Variants in GGA1 observed in about 807,000 individuals in gnomAD.
GGA1 encodes ADP-ribosylation factor-binding protein GGA1.
GGA1 carries 18 observed loss-of-function variants against 76.9 expected under a neutral mutation model. That is an observed-to-expected ratio of 0.23 (90% confidence interval 0.16 to 0.35). The LOEUF is 0.35. GGA1 is among the 10% of genes least tolerant of loss of function. The pLI is 1.00. For synonymous variants in GGA1, 342 were observed against 354.7 expected (o/e 0.96, Z 0.40); for missense variants, 755 against 859.0 (o/e 0.88, Z 1.51).
rs756263898 is a variant in GGA1 at position 37,616,938 on chromosome 22, C to A, written c.145C>A (p.Arg49=). 1.0e-5 allele frequency: 16 copies of A among 1,607,078 alleles called. No individual in the cohort carries two copies. The highest frequency in any genetic ancestry group is 1.3e-5 in the Non-Finnish European group (15 of 1,176,986). The stretch of plus-strand genomic sequence containing the variant: ...CCCACCCAGGCCTCCACTCGCCACC[C>A]GGCTGCTGGCCCACAAGATCCAGTC... ...EDFEGPPLAT[R]LLAHKIQSPQ... is the part of the protein sequence containing the mutation. The change falls in exon 3 of 17, where the codon CGG becomes AGG. Residue 49 remains arginine, a synonymous_variant. Transcript: ENST00000343632.
chr22:37,618,330 C>T (rs566368992), intron 3 of GGA1, 118 bp from the exon 4 acceptor site: 2 of 635,374 alleles, frequency 3.1e-6, no homozygotes, highest in South Asian at 1.8e-5. Context: ...CCTCACAGGC[C>T]ATTCCCTCCC....
intron 7 of GGA1, among the ~76,000 whole-genome samples, chr22:37,622,688 A>G (rs1201844743): frequency 6.6e-6 from 1 of 152,204 alleles, no homozygotes; most frequent in African/African-American, 2.4e-5. Context: ...TGCTGAAAAA[A>G]AAGTTTCAAA....
At chr22:37,614,137 A>G in intron 1 of GGA1, 53 bp from the exon 2 acceptor site, 4 of 1,203,992 alleles carry the variant, frequency 3.3e-6, no homozygotes, top group Non-Finnish European at 5.0e-6. Context: ...TCAGGAGTGG[A>G]AGAGCAGGAA....
Position 37,616,924 on chromosome 22 carries a change from C to T in GGA1, c.131C>T (p.Pro44Leu). The T allele has an allele frequency of 6.2e-7, 1 of 1,604,624 alleles. No homozygotes were observed. Among genetic ancestry groups the T allele is most frequent in the Non-Finnish European group, 8.5e-7 (1 of 1,175,914 alleles). The change falls in exon 3 of 17, where the codon CCT becomes CTT. Residue 44 changes from proline (P) to leucine (L), a missense_variant and splice_region_variant. Physicochemically the swap from Pro to Leu is moderately conservative, Grantham distance 98 (BLOSUM62 -3). Coordinates refer to ENST00000343632, the MANE Select transcript of GGA1 (RefSeq NM_013365.5). ...CEQLNEDFEG[P>L]PLATRLLAHK... ...TCTGTGTTGTTCCTCCCACCCAGGCCTCCACTCGCCACCCGGCTGCTGGCC... is the reference window on the plus strand; with the variant it reads ...TCTGTGTTGTTCCTCCCACCCAGGCTTCCACTCGCCACCCGGCTGCTGGCC...
Position 37,632,288 on chromosome 22 carries a change from G to T in GGA1, c.1699-117G>T, listed in dbSNP as rs1314404810. 3.9e-6 allele frequency: 5 copies of T among 1,290,250 alleles called. No individual in the cohort carries two copies. The East Asian group carries it at 9.3e-5, about 24-fold the overall frequency. 79.9% of individuals were successfully genotyped at this position (1,290,250 alleles called of 1,614,324 possible). A position where few individuals can be genotyped will look rare whatever the true frequency, so the allele number is the denominator to read the frequency against. On this transcript the variant is annotated intron_variant, in intron 15 of 16. Coordinates refer to ENST00000343632, the MANE Select transcript of GGA1 (RefSeq NM_013365.5). The surrounding 1 kb of genome is among the most constrained non-coding windows in gnomAD (Gnocchi z 5.1). The stretch of plus-strand genomic sequence containing the variant: ...CCTTGCTGGGTGGTTGGTGTAGAAG[G>T]GACCAGAAGGACTGAGCCCCAGGAT...
In GGA1 at chr22:37,630,003, G is replaced by C; in HGVS notation, c.1164G>C (p.Ser388=). Residue 388 remains serine, a synonymous_variant, in exon 13 of 17, where the codon TCG becomes TCC. Transcript: ENST00000343632. ...CTGCATCCTTTTCCCCACAGTCGTC[G>C]GATGCCACTGAGCCCCCAGCCCCTG... ...DGTGWNSFQS[S]DATEPPAPAL... is the part of the protein sequence containing the mutation. The C allele has an allele frequency of 6.4e-7, 1 of 1,556,550 alleles. No individual in the cohort carries two copies.
chr22:37,623,424 G>A lies in GGA1; in HGVS notation c.707G>A (p.Ser236Asn), dbSNP rs753984641. 6 of 1,614,114 alleles carry A rather than the reference G, an allele frequency of 3.7e-6. No homozygotes were observed. Among genetic ancestry groups the A allele is most frequent in the Non-Finnish European group, 5.1e-6 (6 of 1,180,008 alleles). ...KLLTEMVMSHSQGGAAAGSSE... is the reference protein window; with the variant it reads ...KLLTEMVMSHNQGGAAAGSSE... ...CTCACGGAGATGGTGATGAGCCACA[G>A]CCAGGGCGGCGCAGCAGCTGGCAGC... is the stretch of plus-strand genomic sequence containing the variant. Residue 236 changes from serine (S) to asparagine (N), a missense_variant, in exon 8 of 17, where the codon AGC becomes AAC. Ser to Asn is a conservative substitution (Grantham distance 46). Coordinates refer to ENST00000343632, the MANE Select transcript of GGA1 (RefSeq NM_013365.5). This position sits in a 1 kb window ranked among gnomAD's most constrained non-coding sequence, Gnocchi z 4.6.
chr22:37,619,926 T>C, intron 4 of GGA1: 1 of 682,938 alleles, frequency 1.5e-6, no homozygotes, highest in South Asian at 1.6e-5. Flanking sequence ...GGCTCCTCTT[T>C]CCTGGGATGT....
rs1393429324 is a variant in GGA1 at position 37,625,847 on chromosome 22, G to A, written c.991G>A (p.Gly331Ser). 2 of 1,611,586 alleles carry A rather than the reference G, an allele frequency of 1.2e-6. No homozygotes were observed. The highest frequency in any genetic ancestry group is 1.7e-5 in the Admixed American group (1 of 59,954). ...CTCAGGCCTGGATCTCCCGCCTGCG[G>A]GCACCACCTACCCAGCTATGCCCAC... ...DLSGLDLPPA[G>S]TTYPAMPTRP... is the part of the protein sequence containing the mutation. The change falls in exon 11 of 17, where the codon GGC (glycine) becomes AGC (serine). Residue 331 changes from glycine to serine, a missense_variant. By Grantham distance (56) the Gly-to-Ser change is moderately conservative. Coordinates refer to ENST00000343632, the MANE Select transcript of GGA1 (RefSeq NM_013365.5). This position sits in a 1 kb window ranked among gnomAD's most constrained non-coding sequence, Gnocchi z 4.1.
chr22:37,624,888 T>A lies in GGA1; in HGVS notation c.833-81T>A. 4 of 1,513,700 alleles carry A rather than the reference T, an allele frequency of 2.6e-6. No individual in the cohort carries two copies. Among genetic ancestry groups the A allele is most frequent in the Non-Finnish European group, 3.6e-6 (4 of 1,123,054 alleles). The allele number at this position is 1,513,700 out of a possible 1,614,324, so 93.8% of individuals were successfully genotyped here. Reference sequence around the variant, plus strand: ...CCTTCCCCTCACACACAGGCTGTGATGGATGTGGGGTCCTCGTCCCCTGCC... The same window carrying A: ...CCTTCCCCTCACACACAGGCTGTGAAGGATGTGGGGTCCTCGTCCCCTGCC... On this transcript the variant is annotated intron_variant, in intron 9 of 16. Transcript: ENST00000343632. The surrounding 1 kb of genome is among the most constrained non-coding windows in gnomAD (Gnocchi z 4.3).
intron 13 of GGA1, chr22:37,630,587 G>A (rs1168763747): frequency 2.9e-5 from 13 of 455,810 alleles, no homozygotes; most frequent in Non-Finnish European, 4.6e-5. Flanking sequence ...CTTTTTTTGA[G>A]AGGGAGTCTC....
At chr22:37,609,319 C>T (rs906083190) in intron 1 of GGA1, 5 of 1,109,326 alleles carry the variant, frequency 4.5e-6, no homozygotes, top group African/African-American at 1.7e-5. Flanking sequence ...GGCCCCGAAT[C>T]CTCCACTCTC....
chr22:37,614,900 A>T (rs887363741), intron 2 of GGA1, among the ~76,000 whole-genome samples: 2 of 151,816 alleles, frequency 1.3e-5, no homozygotes, highest in African/African-American at 4.8e-5. Flanking sequence ...AATTGCTTGA[A>T]CCCAAGAGAC....
rs764724465 is a variant in GGA1, at chr22:37,630,950, A to G, written c.1379A>G (p.Asn460Ser). Residue 460 changes from asparagine to serine, a missense_variant, in exon 14 of 17, where the codon AAT (asparagine) becomes AGT (serine). Asn to Ser is a conservative substitution (Grantham distance 46). Coordinates refer to ENST00000343632, the MANE Select transcript of GGA1 (RefSeq NM_013365.5). ...TPRLTLRDLQ[N>S]KSSSCSSPSS... ...CGGCTCACACTCCGGGACCTGCAGA[A>G]TAAGAGCAGCAGCTGCAGCTCCCCC... 1.3e-5 allele frequency: 21 copies of G among 1,613,372 alleles called. No individual in the cohort carries two copies. Among genetic ancestry groups the G allele is most frequent in the Non-Finnish European group, 1.5e-5 (18 of 1,179,836 alleles).
intron 1 of GGA1, chr22:37,613,890 A>C (rs1928233950): frequency 2.7e-6 from 1 of 375,620 alleles, no homozygotes; most frequent in African/African-American, 2.1e-5. Context: ...CAGCAGAATC[A>C]GAGGAGGTGG....
chr22:37,617,736 AT>A, intron 3 of GGA1: 4 of 847,258 alleles, frequency 4.7e-6, no homozygotes, highest in South Asian at 5.5e-5. Flanking sequence ...TTGTTTTAAC[AT>A]TTTTTTCTCA....
intron 2 of GGA1, among the ~76,000 whole-genome samples, chr22:37,615,754 C>T (rs1928656099): frequency 1.3e-5 from 2 of 152,112 alleles, no homozygotes; most frequent in South Asian, 4.1e-4. Context: ...CGGTGAGACT[C>T]CATCTCAAAA....
At chr22:37,628,499 G>A (rs186144131) in intron 11 of GGA1, among the ~76,000 whole-genome samples, 9 of 152,204 alleles carry the variant, frequency 5.9e-5, no homozygotes, top group East Asian at 5.8e-4. Context: ...GTGTGTTCTC[G>A]GGCAGGTTAT....
rs144563403 is a variant in GGA1 at position 37,620,826 on chromosome 22, C to A, written c.441C>A (p.Ser147=). 5.9e-4 allele frequency: 945 copies of A among 1,606,304 alleles called. No individual in the cohort carries two copies. Among genetic ancestry groups the A allele is most frequent in the Non-Finnish European group, 7.5e-4 (885 of 1,172,972 alleles). ...CATCTAATCCAGGGATTGTAAAGTC[C>A]GACCCCAAGCTTCCAGATGACACTA... ...QMLKKQGIVK[S]DPKLPDDTTF... is the part of the protein sequence containing the mutation. The change falls in exon 6 of 17, where the codon TCC becomes TCA. Residue 147 remains serine, a synonymous_variant. Coordinates refer to ENST00000343632, the MANE Select transcript of GGA1 (RefSeq NM_013365.5).
Sources: gnomAD v4.1 joint callset for allele counts (sites outside exome capture counted in the v4.1 genomes callset) on GRCh38, gnomAD v4.1.1 for gene constraint, Gnocchi (gnomAD v3.1) non-coding constraint, MANE v1.5 for transcripts, NCBI Gene and HGNC (gene_info 2026-07-23, HGNC 2026-07-21) for gene names.